C11orf65: variants seen among roughly 807,000 people sequenced by gnomAD.
C11orf65 encodes chromosome 11 open reading frame 65.
A neutral mutation model predicts 35.3 loss-of-function variants in C11orf65; 38 were observed. The ratio of observed to expected loss-of-function variants is 1.08; its 90% CI spans 0.83 to 1.41. The LOEUF is 1.41. Ranked by LOEUF, C11orf65 falls within the 40% of genes most tolerant of loss-of-function variation. The pLI is 0.00. For missense variants in C11orf65, 370 were observed against 367.1 expected, an observed-to-expected ratio of 1.01 and a Z score of -0.06; for synonymous variants, 105 against 114.4, an observed-to-expected ratio of 0.92 and a Z score of 0.53.
At chr11:108,332,739 T>C (rs751393915) in intron 3 of C11orf65, 3 of 1,607,848 alleles carry the variant, frequency 1.9e-6, no homozygotes, top group African/African-American at 1.3e-5. Flanking sequence ...CCTTATGTAA[T>C]GTTTTTTGTT....
At chr11:108,331,322 TGAA>T (rs2086209765), downstream of C11orf65, 1 of 1,467,358 alleles carries the variant, frequency 6.8e-7, no homozygotes, top group African/African-American at 1.4e-5. Context: ...ATATAGTTAG[TGAA>T]GTTTTGTTAA....
At chr11:108,400,738 C>A (rs1290385836) in intron 6 of C11orf65, among the ~76,000 whole-genome samples, 1 of 152,090 alleles carries the variant, frequency 6.6e-6, no homozygotes, top group Non-Finnish European at 1.5e-5. Context: ...CTAAAGGAAC[C>A]AGTTCCATCA....
chr11:108,420,400 T>C (rs542025130), intron 3 of C11orf65, among the ~76,000 whole-genome samples: 58 of 152,262 alleles, frequency 3.8e-4, no homozygotes, highest in Middle Eastern at 3.4e-3. Context: ...ACACAAAGCC[T>C]GGGCCAATTC....
intron 1 of C11orf65, among the ~76,000 whole-genome samples, chr11:108,462,379 A>G (rs1226135381): frequency 6.6e-6 from 1 of 152,172 alleles, no homozygotes; most frequent in East Asian, 1.9e-4. Flanking sequence ...ATATGTTCTA[A>G]TTTGTATATT....
At chr11:108,352,926 G>A (rs1466986175) in intron 2 of C11orf65, among the ~76,000 whole-genome samples, 3 of 152,136 alleles carry the variant, frequency 2.0e-5, no homozygotes, top group African/African-American at 4.8e-5. Context: ...GGGTCAGAGG[G>A]CTGGGTGATA....
rs2136650659 is a variant in C11orf65, at chr11:108,334,949, C to T, written c.299+271G>A. The T allele has an allele frequency of 6.2e-7, 1 of 1,606,072 alleles. No homozygotes were observed. The highest frequency in any genetic ancestry group is 8.5e-7 in the Non-Finnish European group (1 of 1,172,922). On this transcript the variant is annotated intron_variant, in intron 3 of 3. Coordinates refer to the C11orf65 transcript ENST00000524755. ...ATAGTGTATCTGACCTATTATCAAT[C>T]ATGTTTATACTTTTATTAGGTGGAC... is the stretch of plus-strand genomic sequence containing the variant.
In C11orf65 at chr11:108,441,444, G is replaced by A. The variant is rs964250998; in HGVS notation, c.82-9606C>T. 5.3e-5 allele frequency among the ~76,000 whole-genome samples: 8 copies of A among 152,324 alleles called. No individual in the cohort carries two copies. In the East Asian group the frequency reaches 1.4e-3, roughly 26 times the overall value. Reference sequence around the variant, plus strand: ...AGCAGAAACTTCTGCAGACTTAAACGTCCCTGTCTGACAGCTTTGAAAAGA... The same window carrying A: ...AGCAGAAACTTCTGCAGACTTAAACATCCCTGTCTGACAGCTTTGAAAAGA... On this transcript the variant is annotated intron_variant, in intron 2 of 8. Transcript: ENST00000393084.
chr11:108,360,388 T>C lies in C11orf65; in HGVS notation c.227-25096A>G, dbSNP rs1174491536. Among the ~76,000 whole-genome samples, 4 of 149,462 alleles carry C rather than the reference T, an allele frequency of 2.7e-5. No individual in the cohort carries two copies. In the East Asian group the frequency reaches 6.0e-4, roughly 22 times the overall value. ...AGGTACAAGGAGGAACTGGTACCAT[T>C]CCTTCTGAAACTATTCCAATCAATA... is the stretch of plus-strand genomic sequence containing the variant. On this transcript the variant is annotated intron_variant, in intron 2 of 3. Coordinates refer to the C11orf65 transcript ENST00000524755.
chr11:108,439,761 G>A (rs552521597), intron 2 of C11orf65, among the ~76,000 whole-genome samples: 1 of 152,072 alleles, frequency 6.6e-6, no homozygotes, highest in Non-Finnish European at 1.5e-5. Context: ...ACCTAAAATA[G>A]GAAAATTCAC....
intron 2 of C11orf65, among the ~76,000 whole-genome samples, chr11:108,360,233 A>G (rs1339266684): frequency 2.5e-4 from 37 of 147,268 alleles, no homozygotes; most frequent in Non-Finnish European, 3.9e-4. Flanking sequence ...ACACTCTCCC[A>G]AGACTAAACC....
At chr11:108,327,636 C>A, downstream of C11orf65, 3 of 1,609,516 alleles carry the variant, frequency 1.9e-6, no homozygotes, top group Non-Finnish European at 2.6e-6. Context: ...TTTTGCCTTT[C>A]TTATACAGAA....
intron 2 of C11orf65, among the ~76,000 whole-genome samples, chr11:108,446,683 A>C (rs971353784): frequency 6.6e-6 from 1 of 152,216 alleles, no homozygotes; most frequent in Non-Finnish European, 1.5e-5. Context: ...AAATCATGCC[A>C]AAATGTAAAG....
At chr11:108,402,458 A>T (rs1189695574) in intron 6 of C11orf65, among the ~76,000 whole-genome samples, 1 of 152,130 alleles carries the variant, frequency 6.6e-6, no homozygotes, top group East Asian at 1.9e-4. Flanking sequence ...TGACCCTTGC[A>T]ATGGAACCCA....
chr11:108,464,534 GTATTT>G (rs957480393), intron 1 of C11orf65, among the ~76,000 whole-genome samples: 2 of 152,086 alleles, frequency 1.3e-5, no homozygotes, highest in Non-Finnish European at 2.9e-5. Context: ...GTTAATTTTT[GTATTT>G]TAAGTAGAGA....
chr11:108,337,527 A>C (rs369939793), intron 2 of C11orf65, among the ~76,000 whole-genome samples: 4 of 152,216 alleles, frequency 2.6e-5, no homozygotes, highest in Non-Finnish European at 5.9e-5. Context: ...CTAATTCAGC[A>C]AGATTAGGGT....
chr11:108,461,336 G>C lies in C11orf65; in HGVS notation c.81+143C>G, dbSNP rs1400286927. On this transcript the variant is annotated intron_variant, in intron 2 of 8. Coordinates refer to ENST00000393084, the MANE Select transcript of C11orf65 (RefSeq NM_152587.5). ...AATTGCTCAAACCTGGGAGGCAGAG[G>C]CTGCAGTGACCCAATATCATGCCAC... 9.7e-6 allele frequency: 6 copies of C among 617,304 alleles called. No individual in the cohort carries two copies. In the Admixed American group the frequency reaches 1.8e-4, roughly 18 times the overall value. The allele number at this position is 617,304 out of a possible 1,614,324, so 38.2% of individuals were successfully genotyped here. A position where few individuals can be genotyped will look rare whatever the true frequency, so the allele number is the denominator to read the frequency against.
At chr11:108,444,062 T>C (rs1468009611) in intron 2 of C11orf65, among the ~76,000 whole-genome samples, 2 of 152,004 alleles carry the variant, frequency 1.3e-5, no homozygotes, top group African/African-American at 2.4e-5. Flanking sequence ...ACAAAATTGA[T>C]AGACCACTAG....
At chr11:108,398,703 G>C (rs944421238) in intron 6 of C11orf65, among the ~76,000 whole-genome samples, 2 of 152,192 alleles carry the variant, frequency 1.3e-5, no homozygotes, top group Non-Finnish European at 2.9e-5. Context: ...TCTAGGTGAT[G>C]GCACATATGG....
intron 3 of C11orf65, among the ~76,000 whole-genome samples, chr11:108,407,769 A>G (rs1487288992): frequency 6.6e-6 from 1 of 151,140 alleles, no homozygotes; most frequent in African/African-American, 2.4e-5. Context: ...CGTCTCTACT[A>G]AAAATACAAA....
Sources: allele counts gnomAD v4.1 joint callset (sites outside exome capture counted in the v4.1 genomes callset), GRCh38; gene constraint gnomAD v4.1.1; transcripts MANE v1.5; gene names NCBI Gene and HGNC (gene_info 2026-07-23, HGNC 2026-07-21).